Variants in RUNX1T1 observed in about 807,000 individuals in gnomAD.
RUNX1T1 encodes RUNX1 partner transcriptional co-repressor 1.
A neutral mutation model predicts 62.8 loss-of-function variants in RUNX1T1; 4 were observed. The observed-to-expected ratio is 0.06, with a 90% CI of 0.03 to 0.15. The LOEUF (loss-of-function observed/expected upper bound fraction) is 0.15, where lower values mean the gene tolerates loss of function less well. RUNX1T1 is among the 10% of genes least tolerant of loss of function. RUNX1T1 has a pLI of 1.00. For missense variants in RUNX1T1, 508 were observed against 754.3 expected, an observed-to-expected ratio of 0.67 and a Z score of 3.82; for synonymous variants, 291 against 286.0, an observed-to-expected ratio of 1.02 and a Z score of -0.18.
intron 1 of RUNX1T1, among the ~76,000 whole-genome samples, chr8:92,085,124 G>A (rs548888618): frequency 6.6e-6 from 1 of 152,362 alleles, no homozygotes; most frequent in African/African-American, 2.4e-5. Context: ...GGTAGCTAAA[G>A]GAGATAAATG....
chr8:92,082,687 G>A (rs1037509740), intron 1 of RUNX1T1, among the ~76,000 whole-genome samples: 3 of 152,156 alleles, frequency 2.0e-5, no homozygotes, highest in African/African-American at 7.2e-5. Context: ...GGCATCTCAG[G>A]CTGAGATGGA....
chr8:92,088,937 T>G (rs1836560282), intron 1 of RUNX1T1, among the ~76,000 whole-genome samples: 1 of 152,236 alleles, frequency 6.6e-6, no homozygotes, highest in South Asian at 2.1e-4. Context: ...CTTAAGACAT[T>G]CTCCTTTGTG....
intron 6 of RUNX1T1, among the ~76,000 whole-genome samples, chr8:91,990,638 T>C (rs918646238): frequency 1.4e-5 from 2 of 147,610 alleles, no homozygotes; most frequent in Non-Finnish European, 3.0e-5. Context: ...TTCAAAATGC[T>C]TTACTACTTT....
At chr8:92,001,855 T>G (rs558841758) in intron 5 of RUNX1T1, among the ~76,000 whole-genome samples, 1 of 152,210 alleles carries the variant, frequency 6.6e-6, no homozygotes, top group Non-Finnish European at 1.5e-5. Flanking sequence ...TCTTTAAATC[T>G]TAATAATTTT....
chr8:92,034,745 C>CACATATATACACACATAT (rs1563810037), intron 1 of RUNX1T1, among the ~76,000 whole-genome samples: 13 of 148,576 alleles, frequency 8.7e-5, no homozygotes, highest in South Asian at 4.4e-4. Context: ...CATATATATA[C>CACATATATACACACATAT]ACATATATAT....
At chr8:91,956,131 G>C (rs996279764), downstream of RUNX1T1, 6 of 230,072 alleles carry the variant, frequency 2.6e-5, no homozygotes, top group Non-Finnish European at 5.2e-5. Context: ...TGAGCAGAGT[G>C]ATCCAGATTT....
chr8:91,960,677 A>G (rs941163806), intron 10 of RUNX1T1, among the ~76,000 whole-genome samples, 160 bp from the exon 12 acceptor site: 2 of 152,240 alleles, frequency 1.3e-5, no homozygotes, highest in Non-Finnish European at 2.9e-5. Flanking sequence ...CACTAAACAC[A>G]GAAGATGCAG....
At chr8:92,008,298 T>C (rs1035449665) in intron 4 of RUNX1T1, among the ~76,000 whole-genome samples, 1 of 151,788 alleles carries the variant, frequency 6.6e-6, no homozygotes, top group African/African-American at 2.4e-5. Context: ...AAGTGAAGAC[T>C]GTTGCTTGAC....
rs759924511 is a variant in RUNX1T1, at chr8:92,062,603, G to A, written c.-51C>T. On this transcript the variant is annotated 5_prime_UTR_variant, in exon 1 of 11. Transcript: ENST00000396218. ...AAGTGGCTGTCTCCTAAAAGCAAGC[G>A]CGTTCCGGGCTCATGCCTCCTGTTC... 2.4e-5 allele frequency: 39 copies of A among 1,613,934 alleles called. No individual in the cohort carries two copies. The South Asian group carries it at 2.6e-4, about 11-fold the overall frequency.
At chr8:91,997,539 C>G (rs899720113) in intron 5 of RUNX1T1, among the ~76,000 whole-genome samples, 2 of 152,306 alleles carry the variant, frequency 1.3e-5, no homozygotes, top group East Asian at 3.9e-4. Context: ...AGACATTTCA[C>G]AAGTCCAAAC....
rs1813844437 is a variant in RUNX1T1 at position 91,975,985 on chromosome 8, A to T, written c.1199-12T>A. 1 of 1,605,716 alleles carries T rather than the reference A, an allele frequency of 6.2e-7. No individual in the cohort carries two copies. Among genetic ancestry groups the T allele is most frequent in the African/African-American group, 1.3e-5 (1 of 74,724 alleles). The stretch of plus-strand genomic sequence containing the variant: ...TTCCCGATGCGCGTCTATGAAAAGG[A>T]TGGGAAGGGGGTGGAGAGAGGAGGA... On this transcript the variant is annotated splice_polypyrimidine_tract_variant and intron_variant, in intron 8 of 10. Coordinates refer to ENST00000396218, the Ensembl canonical transcript of RUNX1T1.
At chr8:92,016,830 G>A (rs1044253709) in intron 2 of RUNX1T1, among the ~76,000 whole-genome samples, 5 of 152,190 alleles carry the variant, frequency 3.3e-5, no homozygotes, top group African/African-American at 9.7e-5. Context: ...GGTGTTAGAA[G>A]AAGTAACCTA....
chr8:91,991,232 T>C (rs932351650), intron 6 of RUNX1T1, among the ~76,000 whole-genome samples: 63 of 152,116 alleles, frequency 4.1e-4, no homozygotes, highest in African/African-American at 1.5e-3. Context: ...GTAGAGACTA[T>C]CTGAAACAAA....
chr8:92,035,188 G>C lies in RUNX1T1; in HGVS notation c.8-17825C>G, dbSNP rs546373309. ...CGGGCACCTGTAATCCCAGCTACTTGGGAGGCTGAGGCAGGAGAATCGCTT... is the reference window on the plus strand; with the variant it reads ...CGGGCACCTGTAATCCCAGCTACTTCGGAGGCTGAGGCAGGAGAATCGCTT... On this transcript the variant is annotated intron_variant, in intron 1 of 10. Coordinates refer to ENST00000396218, the Ensembl canonical transcript of RUNX1T1. 1.3e-4 allele frequency among the ~76,000 whole-genome samples: 20 copies of C among 151,992 alleles called. No individual in the cohort carries two copies. In the South Asian group the frequency reaches 4.2e-3, roughly 32 times the overall value.
At chr8:91,990,402 G>A (rs903635297) in intron 6 of RUNX1T1, among the ~76,000 whole-genome samples, 6 of 152,136 alleles carry the variant, frequency 3.9e-5, no homozygotes, top group African/African-American at 1.4e-4. Context: ...AGTGGGTGAT[G>A]TGGACACAGG....
intron 1 of RUNX1T1, among the ~76,000 whole-genome samples, chr8:92,018,766 T>G (rs1172121232): frequency 6.6e-6 from 1 of 152,218 alleles, no homozygotes; most frequent in Non-Finnish European, 1.5e-5. Flanking sequence ...GTTGAAATAA[T>G]GTTGATATCA....
intron 1 of RUNX1T1, among the ~76,000 whole-genome samples, chr8:92,027,953 T>C (rs1321965937): frequency 2.0e-5 from 3 of 151,758 alleles, no homozygotes. Flanking sequence ...TGTGTCCCCA[T>C]CCATAATGTC....
chr8:91,981,509 G>A (rs1815260850), intron 8 of RUNX1T1, among the ~76,000 whole-genome samples: 1 of 147,206 alleles, frequency 6.8e-6, no homozygotes, highest in Admixed American at 7.0e-5. Context: ...CCTCCTCCAG[G>A]GTTCAAGCAA....
At chr8:91,963,825 T>G (rs932075192) in intron 10 of RUNX1T1, among the ~76,000 whole-genome samples, 1 of 152,224 alleles carries the variant, frequency 6.6e-6, no homozygotes, top group African/African-American at 2.4e-5. Context: ...TTTATTTATT[T>G]TTAAATGACT....
Sources: allele counts gnomAD v4.1 joint callset (sites outside exome capture counted in the v4.1 genomes callset), GRCh38; gene constraint gnomAD v4.1.1; transcripts MANE v1.5; gene names NCBI Gene and HGNC (gene_info 2026-07-23, HGNC 2026-07-21).